Variants in RMDN2 observed in about 807,000 individuals in gnomAD.
RMDN2 encodes the protein regulator of microtubule dynamics 2.
Under a neutral mutation model 52.8 loss-of-function variants are expected in RMDN2, and 61 were observed. The observed-to-expected ratio is 1.16, with a 90% CI of 0.94 to 1.43. The LOEUF (loss-of-function observed/expected upper bound fraction) is 1.43. RMDN2 is among the 40% of genes most tolerant of loss of function. The pLI, the probability that RMDN2 is intolerant of heterozygous loss-of-function variation, is 0.00. For synonymous variants in RMDN2, 180 were observed against 153.1 expected (o/e 1.18, Z -1.30); for missense variants, 592 against 475.3 (o/e 1.25, Z -2.28).
chr2:38,023,725 C>T (rs1679561159), intron 10 of RMDN2, among the ~76,000 whole-genome samples: 1 of 152,142 alleles, frequency 6.6e-6, no homozygotes, highest in African/African-American at 2.4e-5. Flanking sequence ...AGCCCCTCAA[C>T]CTATGTTTTG....
intron 2 of RMDN2, among the ~76,000 whole-genome samples, chr2:37,973,626 G>A (rs180944392): frequency 1.2e-4 from 18 of 152,270 alleles, no homozygotes; most frequent in Admixed American, 1.1e-3. Context: ...TGAGGTATTA[G>A]AGTGGTCTGG....
chr2:38,011,862 T>A (rs1678042538), intron 10 of RMDN2, among the ~76,000 whole-genome samples: 2 of 152,090 alleles, frequency 1.3e-5, no homozygotes, highest in South Asian at 4.2e-4. Context: ...GTGCCCACTT[T>A]CCCCCGGACC....
intron 2 of RMDN2, among the ~76,000 whole-genome samples, chr2:37,962,230 A>T (rs556495858): frequency 3.3e-5 from 5 of 152,136 alleles, no homozygotes; most frequent in Admixed American, 6.5e-5. Flanking sequence ...GTGGTGGGAG[A>T]TTTGCTGCTC....
At chr2:38,048,275 T>C (rs1024964212) in intron 10 of RMDN2, among the ~76,000 whole-genome samples, 8 of 152,166 alleles carry the variant, frequency 5.3e-5, no homozygotes, top group African/African-American at 1.9e-4. Flanking sequence ...TCCATTTGAG[T>C]GTATGCAGCA....
chr2:38,031,297 A>G (rs917070314), intron 10 of RMDN2, among the ~76,000 whole-genome samples: 3 of 109,730 alleles, frequency 2.7e-5, no homozygotes, highest in Non-Finnish European at 5.1e-5. Flanking sequence ...GGCTCTTGCC[A>G]TGTTGCCCAG....
At chr2:37,963,165 C>G (rs13015215) in intron 2 of RMDN2, 62,805 of 152,024 alleles carry the variant, frequency 0.41, 14,286 homozygotes, top group East Asian at 0.79. Flanking sequence ...CCTGGAACCA[C>G]AGAAGCATCT....
chr2:37,987,535 G>A (rs1283921356), intron 5 of RMDN2, among the ~76,000 whole-genome samples: 2 of 152,164 alleles, frequency 1.3e-5, no homozygotes, highest in Non-Finnish European at 2.9e-5. Context: ...AGGGGTTGCG[G>A]GGAGGGAGGG....
intron 2 of RMDN2, among the ~76,000 whole-genome samples, chr2:37,955,660 A>G (rs1669357410): frequency 6.6e-6 from 1 of 152,092 alleles, no homozygotes; most frequent in African/African-American, 2.4e-5. Context: ...GGAGTTTTCA[A>G]GAGTTTCCAC....
At chr2:38,061,765 A>G (rs1040307903) in intron 10 of RMDN2, among the ~76,000 whole-genome samples, 10 of 152,308 alleles carry the variant, frequency 6.6e-5, no homozygotes, top group African/African-American at 2.2e-4. Flanking sequence ...GTTCATTATT[A>G]TATCATCAGT....
chr2:37,929,819 T>C, intron 2 of RMDN2, 90 bp downstream of exon 2: 1 of 810,850 alleles, frequency 1.2e-6, no homozygotes. Flanking sequence ...TCCAGTCATA[T>C]ATCCTGCTGC....
chr2:37,938,994 T>C (rs1382261343), intron 2 of RMDN2, among the ~76,000 whole-genome samples: 1 of 152,218 alleles, frequency 6.6e-6, no homozygotes, highest in Non-Finnish European at 1.5e-5. Context: ...TGTTAGGGTG[T>C]CAATTTTAGA....
At chr2:38,031,684 C>T (rs336039) in intron 10 of RMDN2, among the ~76,000 whole-genome samples, 101,826 of 151,932 alleles carry the variant, frequency 0.67, 35,009 homozygotes, top group East Asian at 0.88. Context: ...TGACTATTAT[C>T]AACACCTGGC....
downstream of RMDN2, among the ~76,000 whole-genome samples, chr2:38,021,486 G>A (rs552434231): frequency 1.1e-4 from 16 of 152,154 alleles, no homozygotes; most frequent in African/African-American, 2.7e-4. Flanking sequence ...CACTCACCGC[G>A]AAGGTCTGCA....
At chr2:37,947,238 C>T (rs1389035920) in intron 2 of RMDN2, among the ~76,000 whole-genome samples, 1 of 152,030 alleles carries the variant, frequency 6.6e-6, no homozygotes, top group African/African-American at 2.4e-5. Context: ...TTATTGCATG[C>T]TCAATGTCCA....
chr2:38,062,764 C>T (rs1298691553), intron 10 of RMDN2, among the ~76,000 whole-genome samples: 1 of 132,022 alleles, frequency 7.6e-6, no homozygotes, highest in Non-Finnish European at 1.7e-5. Context: ...CTATCCCTCC[C>T]CCCTTCCCCC....
intron 2 of RMDN2, among the ~76,000 whole-genome samples, chr2:37,945,426 C>G (rs1046903510): frequency 3.9e-5 from 6 of 152,162 alleles, no homozygotes; most frequent in Admixed American, 3.3e-4. Flanking sequence ...TCGGAAGTCT[C>G]ATCTTCCTGT....
At chr2:38,011,399 A>T (rs1677971157) in intron 10 of RMDN2, among the ~76,000 whole-genome samples, 1 of 152,206 alleles carries the variant, frequency 6.6e-6, no homozygotes, top group Admixed American at 6.5e-5. Context: ...CAACAAAAAA[A>T]TAGGTATATA....
chr2:37,936,646 A>G (rs1261019190), intron 2 of RMDN2, among the ~76,000 whole-genome samples: 2 of 152,238 alleles, frequency 1.3e-5, no homozygotes, highest in East Asian at 3.8e-4. Flanking sequence ...ATGAACAGTG[A>G]TGATGAGCTT....
intron 10 of RMDN2, among the ~76,000 whole-genome samples, chr2:38,055,261 C>A (rs562820781): frequency 1.3e-5 from 2 of 152,042 alleles, no homozygotes; most frequent in South Asian, 4.2e-4. Context: ...AAAGCACTTG[C>A]CTGTTTTAAT....
Sources: gnomAD v4.1 joint callset for allele counts (sites outside exome capture counted in the v4.1 genomes callset) on GRCh38, gnomAD v4.1.1 for gene constraint, MANE v1.5 for transcripts, NCBI Gene and HGNC (gene_info 2026-07-23, HGNC 2026-07-21) for gene names.